The following NEO1 variants were observed in gnomAD, a reference collection of about 807,000 sequenced individuals.
NEO1 encodes the protein neogenin 1.
A neutral mutation model predicts 159.7 loss-of-function variants in NEO1; 63 were observed. That is an observed-to-expected ratio of 0.39 (90% CI 0.32 to 0.49). The LOEUF (loss-of-function observed/expected upper bound fraction) is 0.49, where lower values mean the gene tolerates loss of function less well. Ranked by LOEUF, NEO1 falls within the 20% of genes least tolerant of loss-of-function variation. The pLI, the probability that NEO1 is intolerant of heterozygous loss-of-function variation, is 0.85. For synonymous variants in NEO1, 633 were observed against 662.0 expected (o/e 0.96, Z 0.67); for missense variants, 1,615 against 1,831.0 (o/e 0.88, Z 2.15).
chr15:73,086,876 G>A (rs995351462), intron 1 of NEO1, among the ~76,000 whole-genome samples: 5 of 151,952 alleles, frequency 3.3e-5, no homozygotes, highest in East Asian at 1.9e-4. Context: ...GGCTGGTCTC[G>A]AACTCCTGAT....
chr15:73,133,298 A>G (rs2031360425), intron 4 of NEO1, among the ~76,000 whole-genome samples: 2 of 152,158 alleles, frequency 1.3e-5, no homozygotes, highest in African/African-American at 2.4e-5. Flanking sequence ...TAACTCAGGA[A>G]TGGAAAACCA....
Position 73,052,570 on chromosome 15 carries a change from C to A in NEO1, c.-106C>A. ...GGCTGGGCTGGAGCAGCGGCGGCCG[C>A]GGGAGCCGAGCTTGCAGCGAGGGAC... On this transcript the variant is annotated 5_prime_UTR_variant, in exon 1 of 29. Transcript: ENST00000261908. The A allele has an allele frequency of 1.5e-6, 1 of 664,504 alleles. No homozygotes were observed. The highest frequency in any genetic ancestry group is 2.0e-6 in the Non-Finnish European group (1 of 499,428). 41.2% of individuals were successfully genotyped at this position (664,504 alleles called of 1,614,324 possible). A position where few individuals can be genotyped will look rare whatever the true frequency, so the allele number is the denominator to read the frequency against.
chr15:73,077,889 A>G (rs973619170), intron 1 of NEO1, among the ~76,000 whole-genome samples: 2 of 152,142 alleles, frequency 1.3e-5, no homozygotes, highest in African/African-American at 4.8e-5. Flanking sequence ...AATTTGATAG[A>G]TCTTGAAGGC....
chr15:73,275,379 G>A (rs1208590481), intron 21 of NEO1, among the ~76,000 whole-genome samples: 1 of 152,190 alleles, frequency 6.6e-6, no homozygotes, highest in African/African-American at 2.4e-5. Context: ...GCCACGTACG[G>A]TGGCTCAGGC....
At chr15:73,162,428 T>G (rs1387652632) in intron 5 of NEO1, 2 of 153,862 alleles carry the variant, frequency 1.3e-5, no homozygotes, top group Non-Finnish European at 2.9e-5. Context: ...AGTCTCACTC[T>G]GTTGCCCAGG....
chr15:73,288,436 T>C lies in NEO1; in HGVS notation c.3534T>C (p.Ser1178=). The change falls in exon 24 of 29, where the codon TCT becomes TCC. Residue 1178 remains serine (S), a synonymous_variant. Transcript: ENST00000261908. ...TGGAGCTGAAACCCATTGATAAGTC[T>C]CCAGACCCAAACCCCATCATGACTG... ...ERLELKPIDK[S]PDPNPIMTDT... 6.2e-7 allele frequency: 1 copy of C among 1,614,032 alleles called. No individual in the cohort carries two copies. Among genetic ancestry groups the C allele is most frequent in the Non-Finnish European group, 8.5e-7 (1 of 1,179,984 alleles).
intron 26 of NEO1, among the ~76,000 whole-genome samples, chr15:73,295,282 A>T (rs2042320599): frequency 6.6e-6 from 1 of 151,846 alleles, no homozygotes; most frequent in African/African-American, 2.4e-5. Context: ...ACATAGTCTC[A>T]AATAGAACAG....
rs2041107448 is a variant in NEO1, at chr15:73,270,205, C to T, written c.2690C>T (p.Thr897Ile). The T allele has an allele frequency of 6.2e-7, 1 of 1,614,188 alleles. No individual in the cohort carries two copies. Among genetic ancestry groups the T allele is most frequent in the Non-Finnish European group, 8.5e-7 (1 of 1,180,042 alleles). The part of the protein sequence containing the change: ...DSRYYTVRWK[T>I]NIPANTKYKN... ...CGATACTACACCGTCCGATGGAAAA[C>T]CAACATCCCAGCAAACACCAAGTAC... The change falls in exon 17 of 29, where the codon ACC becomes ATC. Residue 897 changes from threonine to isoleucine, a missense_variant. Thr to Ile is a moderately conservative substitution (Grantham distance 89, BLOSUM62 -1). Coordinates refer to ENST00000261908, the MANE Select transcript of NEO1 (RefSeq NM_002499.4).
intron 1 of NEO1, among the ~76,000 whole-genome samples, chr15:73,057,246 CT>C (rs1021878487): frequency 6.6e-6 from 1 of 151,994 alleles, no homozygotes; most frequent in East Asian, 1.9e-4. Context: ...AAAGTGTAGA[CT>C]TTTTTTTCTT....
chr15:73,061,521 T>C (rs1595888522), intron 1 of NEO1, among the ~76,000 whole-genome samples: 1 of 152,096 alleles, frequency 6.6e-6, no homozygotes, highest in Non-Finnish European at 1.5e-5. Context: ...GGTGGCAGGG[T>C]ATGGTTCCTA....
chr15:73,069,525 A>G (rs1478381865), intron 1 of NEO1, among the ~76,000 whole-genome samples: 1 of 151,918 alleles, frequency 6.6e-6, no homozygotes, highest in African/African-American at 2.4e-5. Context: ...AATAGTTTTT[A>G]TATCTATAGA....
rs2041150921 is a variant in NEO1 at position 73,271,176 on chromosome 15, G to A, written c.2857+722G>A. ...TCACTGGACTTTGTACAGAGAGAAG[G>A]GTTGGATTTGAAGAGTTAGAAATAC... On this transcript the variant is annotated intron_variant, in intron 18 of 28. Coordinates refer to ENST00000261908, the MANE Select transcript of NEO1 (RefSeq NM_002499.4). 2.6e-5 allele frequency among the ~76,000 whole-genome samples: 4 copies of A among 152,250 alleles called. No individual in the cohort carries two copies. The South Asian group carries it at 8.3e-4, about 32-fold the overall frequency.
rs753578613 is a variant in NEO1, at chr15:73,136,015, C to T, written c.1003C>T (p.Leu335Phe). 6.2e-7 allele frequency: 1 copy of T among 1,608,562 alleles called. No homozygotes were observed. The highest frequency in any genetic ancestry group is 8.5e-7 in the Non-Finnish European group (1 of 1,178,494). Residue 335 changes from leucine (L) to phenylalanine (F), a missense_variant, in exon 5 of 29, where the codon CTT becomes TTT. Physicochemically the swap from Leu to Phe is conservative, Grantham distance 22 (BLOSUM62 0). This residue lies in a region of NEO1 where 1,018 missense variants were observed against 1,115.4 expected (regional missense o/e 0.91). Coordinates refer to ENST00000261908, the MANE Select transcript of NEO1 (RefSeq NM_002499.4). ...GNETIEAQAE[L>F]TVQAQPEFLK... ...TGAGACAATTGAAGCTCAAGCAGAG[C>T]TTACAGTGCAAGGTATGTAAATATT...
intron 7 of NEO1, among the ~76,000 whole-genome samples, chr15:73,228,465 G>GTTT (rs377106378): frequency 7.4e-6 from 1 of 135,044 alleles, no homozygotes; most frequent in Non-Finnish European, 1.6e-5. Context: ...TTGGGTATAA[G>GTTT]TTTTTTTTTT....
At chr15:73,241,637 A>G (rs1476799882) in intron 8 of NEO1, among the ~76,000 whole-genome samples, 1 of 152,200 alleles carries the variant, frequency 6.6e-6, no homozygotes, top group East Asian at 1.9e-4. Context: ...CTTTCTATAA[A>G]GTGTGCCCTT....
intron 22 of NEO1, among the ~76,000 whole-genome samples, chr15:73,278,923 G>A (rs554546544): frequency 6.6e-6 from 1 of 152,288 alleles, no homozygotes; most frequent in South Asian, 2.1e-4. Context: ...TGCTGTACCA[G>A]ACGTGGGAAC....
intron 1 of NEO1, among the ~76,000 whole-genome samples, chr15:73,101,897 C>T (rs1416346990): frequency 6.6e-6 from 1 of 152,178 alleles, no homozygotes; most frequent in Non-Finnish European, 1.5e-5. Context: ...AAACCAAGCT[C>T]ATGTCGTCTT....
chr15:73,274,454 A>T (rs901676377), intron 20 of NEO1, among the ~76,000 whole-genome samples: 1 of 152,200 alleles, frequency 6.6e-6, no homozygotes, highest in African/African-American at 2.4e-5. Flanking sequence ...TAAGAAAATG[A>T]AGATAAAGCA....
intron 7 of NEO1, among the ~76,000 whole-genome samples, chr15:73,217,165 A>G (rs1378805107): frequency 1.3e-5 from 2 of 149,384 alleles, no homozygotes; most frequent in South Asian, 2.1e-4. Flanking sequence ...CAGTTTTCCC[A>G]GCACTATTTA....
Sources: gnomAD v4.1 joint callset for allele counts (sites outside exome capture counted in the v4.1 genomes callset) on GRCh38, gnomAD v4.1.1 for gene constraint, gnomAD v4.1.1 regional missense constraint, MANE v1.5 for transcripts, NCBI Gene and HGNC (gene_info 2026-07-23, HGNC 2026-07-21) for gene names.